Variants in ZNF469 observed in about 807,000 individuals in gnomAD.
The protein encoded by ZNF469 is zinc finger protein 469.
Under a neutral mutation model 1.0 loss-of-function variants are expected in ZNF469, and 1 was observed. That is an observed-to-expected ratio of 1.00 (90% CI 0.35 to 4.73). ZNF469 has a LOEUF of 4.73. Ranked by LOEUF, ZNF469 falls within the 30% of genes most tolerant of loss-of-function variation. ZNF469 has a pLI of 0.16. For synonymous variants in ZNF469, 2,703 were observed against 2,363.4 expected (o/e 1.14, Z -4.17); for missense variants, 6,100 against 5,356.3 (o/e 1.14, Z -4.33).
the ZNF469 span, among the ~76,000 whole-genome samples, chr16:88,208,842 C>CATGA: frequency 6.8e-6 from 1 of 147,878 alleles, no homozygotes; most frequent in Non-Finnish European, 1.5e-5. Flanking sequence ...CTCTAACATA[C>CATGA]ATGAGCCACG....
the ZNF469 span, among the ~76,000 whole-genome samples, chr16:88,169,442 G>T: frequency 6.6e-6 from 1 of 152,182 alleles, no homozygotes; most frequent in South Asian, 2.1e-4. The surrounding 1 kb of genome is among the most constrained non-coding windows in gnomAD (Gnocchi z 6.1). Flanking sequence ...TCCTGGAGAT[G>T]ATTTTGCCTG....
intron 1 of ZNF469, among the ~76,000 whole-genome samples, chr16:88,398,999 A>T (rs1214509778): frequency 6.6e-6 from 1 of 152,248 alleles, no homozygotes; most frequent in Non-Finnish European, 1.5e-5. Context: ...AAAACACAGC[A>T]TAGAGACGTT....
At chr16:88,294,821 A>C in the ZNF469 span, 1 of 152,486 alleles carries the variant, frequency 6.6e-6, no homozygotes, top group African/African-American at 2.4e-5. Context: ...ATCGGAGAGA[A>C]GACCGGGATG....
the ZNF469 span, among the ~76,000 whole-genome samples, chr16:88,108,717 C>A: frequency 5.7e-3 from 866 of 152,304 alleles, 5 homozygotes; most frequent in Middle Eastern, 0.014. Context: ...GCCTTGCCCA[C>A]TGTATGGGGG....
the ZNF469 span, among the ~76,000 whole-genome samples, chr16:88,118,342 T>C: frequency 6.6e-6 from 1 of 152,260 alleles, no homozygotes; most frequent in East Asian, 1.9e-4. Flanking sequence ...TGGAGCCTTT[T>C]GAGTTTTTTC....
chr16:88,429,787 C>A lies in ZNF469; in HGVS notation c.2317C>A (p.Leu773Ile). 6.5e-7 allele frequency: 1 copy of A among 1,544,702 alleles called. No homozygotes were observed. Among genetic ancestry groups the A allele is most frequent in the East Asian group, 2.5e-5 (1 of 40,776 alleles). The change falls in exon 3 of 3, where the codon CTC becomes ATC. Residue 773 changes from leucine (L) to isoleucine (I), a missense_variant. Physicochemically the swap from Leu to Ile is conservative, Grantham distance 5. Transcript: ENST00000565624. ...GHQRSPGPPG[L>I]PSPPAAPRVP... The stretch of plus-strand genomic sequence containing the variant: ...CCAGCGGTCTCCAGGCCCCCCTGGG[C>A]TCCCCTCGCCCCCCGCTGCCCCCAG...
chr16:88,259,521 A>G, the ZNF469 span, among the ~76,000 whole-genome samples: 1 of 152,100 alleles, frequency 6.6e-6, no homozygotes, highest in African/African-American at 2.4e-5. The surrounding 1 kb of genome is among the most constrained non-coding windows in gnomAD (Gnocchi z 4.1). Context: ...TCGTCAGGAA[A>G]TACTCTGGGA....
At chr16:88,312,375 T>C in the ZNF469 span, among the ~76,000 whole-genome samples, 1 of 152,230 alleles carries the variant, frequency 6.6e-6, no homozygotes, top group African/African-American at 2.4e-5. Flanking sequence ...TCTCAGGCCA[T>C]TTGCCCATTT....
At chr16:88,147,226 G>A in the ZNF469 span, among the ~76,000 whole-genome samples, 1 of 152,124 alleles carries the variant, frequency 6.6e-6, no homozygotes, top group Admixed American at 6.5e-5. Flanking sequence ...GCCAAGGGAT[G>A]TAGGGGCCTG....
At chr16:88,132,382 G>A in the ZNF469 span, among the ~76,000 whole-genome samples, 11 of 152,202 alleles carry the variant, frequency 7.2e-5, no homozygotes, top group Non-Finnish European at 1.3e-4. Flanking sequence ...CATCCCCATC[G>A]CTCCCTCCTG....
the ZNF469 span, among the ~76,000 whole-genome samples, chr16:88,263,484 C>T: frequency 3.3e-5 from 5 of 152,254 alleles, no homozygotes; most frequent in South Asian, 2.1e-4. Flanking sequence ...CCAACGTGTG[C>T]GGGGCCCCAA....
At chr16:88,196,135 CTG>C in the ZNF469 span, among the ~76,000 whole-genome samples, 1 of 152,202 alleles carries the variant, frequency 6.6e-6, no homozygotes, top group African/African-American at 2.4e-5. Context: ...GGTGGCGAAA[CTG>C]AGGCCTAGAG....
the ZNF469 span, among the ~76,000 whole-genome samples, chr16:88,253,088 G>A: frequency 5.9e-5 from 9 of 152,154 alleles, no homozygotes; most frequent in South Asian, 2.1e-4. Context: ...AATTATCACC[G>A]TTTCAGGTCA....
chr16:88,133,442 G>A, the ZNF469 span, among the ~76,000 whole-genome samples: 2 of 152,212 alleles, frequency 1.3e-5, no homozygotes, highest in Non-Finnish European at 2.9e-5. Context: ...CACAGATGGT[G>A]GGAATGGCAG....
chr16:88,344,636 A>C, the ZNF469 span, among the ~76,000 whole-genome samples: 1 of 152,190 alleles, frequency 6.6e-6, no homozygotes, highest in Non-Finnish European at 1.5e-5. Flanking sequence ...GTGCACCCTC[A>C]GGCGGTGCCC....
the ZNF469 span, among the ~76,000 whole-genome samples, chr16:88,146,923 C>T: frequency 6.6e-6 from 1 of 151,994 alleles, no homozygotes; most frequent in Non-Finnish European, 1.5e-5. Flanking sequence ...CACGGTACAG[C>T]GTGGGTGGCC....
the ZNF469 span, among the ~76,000 whole-genome samples, chr16:88,280,910 G>T: frequency 2.6e-5 from 4 of 151,862 alleles, no homozygotes; most frequent in Admixed American, 6.6e-5. Context: ...AGATATCAGT[G>T]CATGGGTTAG....
the ZNF469 span, among the ~76,000 whole-genome samples, chr16:88,168,023 C>T: frequency 2.9e-4 from 44 of 152,328 alleles, no homozygotes; most frequent in East Asian, 4.4e-3. The surrounding 1 kb of genome is among the most constrained non-coding windows in gnomAD (Gnocchi z 4.3). Context: ...ACCCGCTTCG[C>T]GATGAACCCC....
At chr16:88,151,544 C>T in the ZNF469 span, among the ~76,000 whole-genome samples, 4 of 152,224 alleles carry the variant, frequency 2.6e-5, no homozygotes, top group East Asian at 1.9e-4. This position sits in a 1 kb window ranked among gnomAD's most constrained non-coding sequence, Gnocchi z 5.4. Flanking sequence ...AGACCTCTGC[C>T]AGGGTGGCGT....
Sources: gnomAD v4.1 joint callset for allele counts (sites outside exome capture counted in the v4.1 genomes callset) on GRCh38, gnomAD v4.1.1 for gene constraint, Gnocchi (gnomAD v3.1) non-coding constraint, MANE v1.5 for transcripts, NCBI Gene and HGNC (gene_info 2026-07-23, HGNC 2026-07-21) for gene names.